The following USH2A variants were observed in gnomAD, a reference collection of about 807,000 sequenced individuals.
USH2A encodes Usher syndrome 2A (autosomal recessive, mild).
Under a neutral mutation model 538.9 loss-of-function variants are expected in USH2A, and 443 were observed. The ratio of observed to expected loss-of-function variants is 0.82; its 90% confidence interval spans 0.76 to 0.89. USH2A has a LOEUF of 0.89. Ranked by LOEUF, USH2A falls within the 40% of genes least tolerant of loss-of-function variation. The pLI, the probability that USH2A is intolerant of heterozygous loss-of-function variation, is 0.00. For synonymous variants in USH2A, 2,413 were observed against 2,273.5 expected, an observed-to-expected ratio of 1.06 and a Z score of -1.75; for missense variants, 6,633 against 6,324.8, an observed-to-expected ratio of 1.05 and a Z score of -1.65.
Position 216,089,008 on chromosome 1 carries a change from C to G in USH2A, c.4885+5G>C, listed in dbSNP as rs988696340. ...GGCTATTTATACATATCAAAAAGTA[C>G]TTACCTGTATATATCCCATCCAGAG... is the stretch of plus-strand genomic sequence containing the variant. On this transcript the variant is annotated splice_donor_5th_base_variant and intron_variant, in intron 23 of 71. Transcript: ENST00000307340. 1.9e-6 allele frequency: 3 copies of G among 1,613,224 alleles called. No homozygotes were observed. The highest frequency in any genetic ancestry group is 2.5e-6 in the Non-Finnish European group (3 of 1,179,438).
In USH2A at chr1:216,416,830, T is replaced by TC. The variant is rs886553512; in HGVS notation, c.651+1683_651+1684insG. Among the ~76,000 whole-genome samples, 139 of 151,902 alleles carry TC rather than the reference T, an allele frequency of 9.2e-4. No individual in the cohort carries two copies. In the Middle Eastern group the frequency reaches 0.027, roughly 30 times the overall value. ...AATAAAGGCAAGTAAAGATAATTTTTTTGTCATTGTTGATACAAAAATATG... is the reference window on the plus strand; with the variant it reads ...AATAAAGGCAAGTAAAGATAATTTTTCTTGTCATTGTTGATACAAAAATATG... On this transcript the variant is annotated intron_variant, in intron 3 of 71. Coordinates refer to ENST00000307340, the MANE Select transcript of USH2A (RefSeq NM_206933.4).
At chr1:216,081,881 G>A (rs933947419) in intron 26 of USH2A, among the ~76,000 whole-genome samples, 4 of 151,818 alleles carry the variant, frequency 2.6e-5, no homozygotes, top group African/African-American at 9.7e-5. Flanking sequence ...ATAGGGGTGA[G>A]CCACTGCACC....
intron 34 of USH2A, among the ~76,000 whole-genome samples, chr1:215,993,986 A>G (rs1002653043): frequency 2.0e-5 from 3 of 152,180 alleles, no homozygotes; most frequent in Non-Finnish European, 4.4e-5. Context: ...GGAAATTGAT[A>G]AATACATTAA....
chr1:216,255,088 T>G (rs571382339), intron 11 of USH2A, among the ~76,000 whole-genome samples: 3 of 152,296 alleles, frequency 2.0e-5, no homozygotes, highest in African/African-American at 7.2e-5. Context: ...AACAAATATC[T>G]ATTCACAGTT....
At position 215,634,652 on chromosome 1, in the gene USH2A, G is replaced by A. The variant is rs960567252; in HGVS notation, c.15104C>T (p.Thr5035Ile). ...GAACCACAGCTCGCTGTAGAACTCTGTGCTTTTGCTCCGCGATCCCTTCTT... is the reference window on the plus strand; with the variant it reads ...GAACCACAGCTCGCTGTAGAACTCTATGCTTTTGCTCCGCGATCCCTTCTT... The part of the protein sequence containing the change: ...GKKKGSRSKS[T>I]EFYSELWFIV... The change falls in exon 70 of 72, where the codon ACA (threonine) becomes ATA (isoleucine). Residue 5035 changes from threonine (T) to isoleucine (I), a missense_variant. By Grantham distance (89) the Thr-to-Ile change is moderately conservative. Coordinates refer to ENST00000307340, the MANE Select transcript of USH2A (RefSeq NM_206933.4). 1.2e-6 allele frequency: 2 copies of A among 1,614,118 alleles called. No individual in the cohort carries two copies. The highest frequency in any genetic ancestry group is 2.7e-5 in the African/African-American group (2 of 74,946).
intron 22 of USH2A, among the ~76,000 whole-genome samples, chr1:216,095,514 T>C (rs1348000909): frequency 6.6e-6 from 1 of 152,154 alleles, no homozygotes; most frequent in Non-Finnish European, 1.5e-5. Flanking sequence ...TGCTTAGGTG[T>C]GATGCTATTT....
At chr1:215,869,953 C>G (rs887477220) in intron 43 of USH2A, among the ~76,000 whole-genome samples, 6 of 152,108 alleles carry the variant, frequency 3.9e-5, no homozygotes, top group African/African-American at 9.7e-5. Flanking sequence ...CAATTGCATG[C>G]CTGTTTTCAA....
intron 19 of USH2A, among the ~76,000 whole-genome samples, chr1:216,192,319 A>C (rs1189435253): frequency 6.6e-6 from 1 of 152,098 alleles, no homozygotes; most frequent in East Asian, 1.9e-4. Context: ...TGAGAAGGTA[A>C]AAAATTGGAC....
intron 56 of USH2A, among the ~76,000 whole-genome samples, chr1:215,762,191 G>A (rs1320125311): frequency 2.0e-5 from 3 of 152,120 alleles, no homozygotes; most frequent in Non-Finnish European, 4.4e-5. Context: ...TCTGCCAACA[G>A]CTGCTAGATG....
chr1:215,848,618 G>T (rs1228635089), intron 44 of USH2A, among the ~76,000 whole-genome samples: 1 of 152,150 alleles, frequency 6.6e-6, no homozygotes, highest in Non-Finnish European at 1.5e-5. Context: ...CCGTTCCATT[G>T]TTTATGTCTT....
At chr1:216,263,911 A>C (rs2102570422) in intron 11 of USH2A, among the ~76,000 whole-genome samples, 1 of 152,286 alleles carries the variant, frequency 6.6e-6, no homozygotes, top group East Asian at 1.9e-4. Context: ...TGATAAACTA[A>C]ACGAATAAAG....
Position 216,226,312 on chromosome 1 carries a change from C to T in USH2A, c.2993+5641G>A, listed in dbSNP as rs558816301. On this transcript the variant is annotated intron_variant, in intron 14 of 71. Coordinates refer to ENST00000307340, the MANE Select transcript of USH2A (RefSeq NM_206933.4). ...TACAGTTACTTTACATTGCAAAATA[C>T]AAATTCAATTCAGAAAATAGAAAGT... Among the ~76,000 whole-genome samples the T allele has an allele frequency of 1.8e-3, 280 of 152,294 alleles. 2 individuals are homozygous for T. Among genetic ancestry groups the T allele is most frequent in the African/African-American group, 6.4e-3 (268 of 41,562 alleles).
At chr1:215,794,917 C>T (rs1276374959) in intron 50 of USH2A, among the ~76,000 whole-genome samples, 2 of 152,150 alleles carry the variant, frequency 1.3e-5, no homozygotes, top group African/African-American at 2.4e-5. Flanking sequence ...GGGTTTGTAA[C>T]TTCCAAAAGA....
intron 38 of USH2A, among the ~76,000 whole-genome samples, chr1:215,927,898 T>C (rs1666273270): frequency 6.6e-6 from 1 of 152,100 alleles, no homozygotes; most frequent in East Asian, 1.9e-4. Context: ...ATGGTAATCT[T>C]AACAGGACTA....
chr1:216,213,498 G>A (rs2035285250), intron 15 of USH2A, among the ~76,000 whole-genome samples: 1 of 151,956 alleles, frequency 6.6e-6, no homozygotes, highest in Admixed American at 6.6e-5. Flanking sequence ...TTCAACAAAT[G>A]TTAATGGAAC....
chr1:216,391,461 A>T (rs1571772597), intron 3 of USH2A, among the ~76,000 whole-genome samples: 1 of 152,012 alleles, frequency 6.6e-6, no homozygotes, highest in South Asian at 2.1e-4. Context: ...ATTAATCTTT[A>T]AAAAAAATGA....
intron 38 of USH2A, among the ~76,000 whole-genome samples, chr1:215,924,306 T>A (rs1666178596): frequency 6.6e-6 from 1 of 152,074 alleles, no homozygotes; most frequent in Non-Finnish European, 1.5e-5. Flanking sequence ...CTGGGGGGTC[T>A]ATATGCCTTT....
chr1:215,655,725 C>CTTTTTTTTTTTTTTTTTTTTTTTTTTTT (rs766225635), intron 64 of USH2A, among the ~76,000 whole-genome samples: 3 of 96,172 alleles, frequency 3.1e-5, no homozygotes, highest in African/African-American at 7.7e-5. Context: ...GCTAGTTATT[C>CTTTTTTTTTTTTTTTTTTTTTTTTTTTT]TTTTTTTTTT....
chr1:216,108,612 T>C (rs989685782), intron 21 of USH2A, among the ~76,000 whole-genome samples: 1 of 151,542 alleles, frequency 6.6e-6, no homozygotes, highest in Non-Finnish European at 1.5e-5. Context: ...CCTGATATTA[T>C]TCCACATGTT....
Sources: gnomAD v4.1 joint callset for allele counts (sites outside exome capture counted in the v4.1 genomes callset) on GRCh38, gnomAD v4.1.1 for gene constraint, MANE v1.5 for transcripts, NCBI Gene and HGNC (gene_info 2026-07-23, HGNC 2026-07-21) for gene names.